GOLGA4: variants seen among roughly 807,000 people sequenced by gnomAD.
The protein encoded by GOLGA4 is golgin A4.
Under a neutral mutation model 265.9 loss-of-function variants are expected in GOLGA4, and 169 were observed. That is an observed-to-expected ratio of 0.64 (90% CI 0.56 to 0.72). The LOEUF is 0.72. GOLGA4 is among the 30% of genes least tolerant of loss of function. The probability of loss-of-function intolerance (pLI) is 0.00; values close to 1 mark genes in which losing one functional copy is unlikely to be tolerated. For synonymous variants in GOLGA4, 923 were observed against 855.8 expected (o/e 1.08, Z -1.37); for missense variants, 2,482 against 2,483.4 (o/e 1.00, Z 0.01).
chr3:37,308,242 A>T (rs1241344741), intron 10 of GOLGA4, among the ~76,000 whole-genome samples: 1 of 151,930 alleles, frequency 6.6e-6, no homozygotes, highest in Non-Finnish European at 1.5e-5. Context: ...TCAAAAAAAA[A>T]AAACGAACAA....
At chr3:37,285,835 TTTA>T (rs1239854234) in intron 3 of GOLGA4, among the ~76,000 whole-genome samples, 176 bp from the exon 4 acceptor site, 1 of 152,266 alleles carries the variant, frequency 6.6e-6, no homozygotes, top group Non-Finnish European at 1.5e-5. Flanking sequence ...AAATTTACAT[TTTA>T]TTTTTTAGAA....
intron 21 of GOLGA4, among the ~76,000 whole-genome samples, chr3:37,349,568 G>A (rs1035777307): frequency 3.3e-5 from 5 of 152,178 alleles, no homozygotes; most frequent in Non-Finnish European, 5.9e-5. Context: ...GCTGCACAGA[G>A]AATGCAGGGC....
At chr3:37,254,692 C>T (rs1030242475) in intron 2 of GOLGA4, among the ~76,000 whole-genome samples, 1 of 151,586 alleles carries the variant, frequency 6.6e-6, no homozygotes, top group African/African-American at 2.4e-5. Flanking sequence ...TTACTTGAGA[C>T]GGAGTTTCAC....
At chr3:37,300,801 A>G (rs1360176623) in intron 9 of GOLGA4, among the ~76,000 whole-genome samples, 3 of 152,196 alleles carry the variant, frequency 2.0e-5, no homozygotes, top group South Asian at 2.1e-4. Context: ...ATGACCTGCT[A>G]TCTAGTCAGT....
At chr3:37,264,970 G>T (rs988461893) in intron 2 of GOLGA4, among the ~76,000 whole-genome samples, 1 of 151,980 alleles carries the variant, frequency 6.6e-6, no homozygotes, top group Non-Finnish European at 1.5e-5. Flanking sequence ...TCTTTTGTGG[G>T]GGAGGCCCTA....
At position 37,286,045 on chromosome 3, in the gene GOLGA4, A is replaced by C. The variant is rs766853785; in HGVS notation, c.509A>C (p.Glu170Ala). ...LVTAYQMLQR[E>A]KKKLQGILSQ... Reference sequence around the variant, plus strand: ...ACAGCTTATCAGATGCTTCAGAGAGAGAAGAAAAAGCTACAAGTAAGTGAT... The same window carrying C: ...ACAGCTTATCAGATGCTTCAGAGAGCGAAGAAAAAGCTACAAGTAAGTGAT... Residue 170 changes from glutamate to alanine, a missense_variant, in exon 4 of 24, where the codon GAG becomes GCG. Glu to Ala is a moderately radical substitution (Grantham distance 107, BLOSUM62 -1). This residue lies in a region of GOLGA4 where 1,536 missense variants were observed against 1,483.7 expected (regional missense o/e 1.04). Transcript: ENST00000361924. The C allele has an allele frequency of 6.3e-7, 1 of 1,576,808 alleles. No homozygotes were observed. Among genetic ancestry groups the C allele is most frequent in the Non-Finnish European group, 8.7e-7 (1 of 1,150,784 alleles).
intron 16 of GOLGA4, among the ~76,000 whole-genome samples, chr3:37,330,685 C>G (rs1184552953): frequency 6.6e-6 from 1 of 152,130 alleles, no homozygotes; most frequent in Admixed American, 6.5e-5. Context: ...GGCATGGACT[C>G]TTTTCCAAGT....
intron 2 of GOLGA4, among the ~76,000 whole-genome samples, chr3:37,277,853 C>A (rs531185247): frequency 6.6e-6 from 1 of 152,048 alleles, no homozygotes; most frequent in East Asian, 1.9e-4. Context: ...CTGTCAGGCA[C>A]CCGTAGAAAG....
Position 37,296,085 on chromosome 3 carries a change from A to C in GOLGA4, c.682-2A>C, listed in dbSNP as rs1414154547. On this transcript the variant is annotated splice_acceptor_variant, in intron 6 of 23. Coordinates refer to ENST00000361924, the MANE Select transcript of GOLGA4 (RefSeq NM_002078.5). LOFTEE classifies it high-confidence loss of function. ...TTTTCTAATGAAGCACATTTATATT[A>C]GGTTTCTCTACTGAAACAACGATTA... 1.9e-6 allele frequency: 3 copies of C among 1,612,746 alleles called. No individual in the cohort carries two copies. Among genetic ancestry groups the C allele is most frequent in the Non-Finnish European group, 2.5e-6 (3 of 1,178,890 alleles).
Position 37,252,272 on chromosome 3 carries a change from CT to C in GOLGA4, c.162+789del, listed in dbSNP as rs145491971. Reference sequence around the variant, plus strand: ...TAGCACTGTCGTGCTCCCTTTCCCCCTGAAGGATTACCACCATCCTGAATTT... The same window carrying C: ...TAGCACTGTCGTGCTCCCTTTCCCCCGAAGGATTACCACCATCCTGAATTT... On this transcript the variant is annotated intron_variant, in intron 2 of 23. Transcript: ENST00000361924. Among the ~76,000 whole-genome samples the C allele has an allele frequency of 6.2e-3, 940 of 151,418 alleles. 42 individuals carry two copies. The East Asian group carries it at 0.12, about 19-fold the overall frequency.
rs192935891 is a variant in GOLGA4, at chr3:37,254,152, C to T, written c.162+2668C>T. Among the ~76,000 whole-genome samples the T allele has an allele frequency of 3.9e-5, 6 of 152,206 alleles. No individual in the cohort carries two copies. The East Asian group carries it at 1.2e-3, about 29-fold the overall frequency. Reference sequence around the variant, plus strand: ...GAAATGATGCCATTAATACTGATTGCAAAAACATTACAACTCAGTACTGCA... The same window carrying T: ...GAAATGATGCCATTAATACTGATTGTAAAAACATTACAACTCAGTACTGCA... On this transcript the variant is annotated intron_variant, in intron 2 of 23. Transcript: ENST00000361924.
chr3:37,320,090 A>T (rs1443780964), intron 12 of GOLGA4: 1 of 151,562 alleles, frequency 6.6e-6, no homozygotes, highest in African/African-American at 2.4e-5. Flanking sequence ...TTTTCAGTCC[A>T]TACGATGGCT....
At position 37,321,778 on chromosome 3, in the gene GOLGA4, G is replaced by C; in HGVS notation, c.1593G>C (p.Gln531His). 1 of 1,611,940 alleles carries C rather than the reference G, an allele frequency of 6.2e-7. No individual in the cohort carries two copies. Among genetic ancestry groups the C allele is most frequent in the South Asian group, 1.1e-5 (1 of 90,478 alleles). Residue 531 changes from glutamine (Q) to histidine (H), a missense_variant, in exon 13 of 24, where the codon CAG (glutamine) becomes CAC (histidine). Gln to His is a conservative substitution (Grantham distance 24). Transcript: ENST00000361924. Reference protein sequence around the residue: ...EYLKISQEKEQQESLALEELE... With the variant: ...EYLKISQEKEHQESLALEELE... ...TGAAGATCAGCCAAGAAAAAGAACA[G>C]CAAGAATCTTTGGCCCTAGAAGAGT...
chr3:37,337,788 C>A, intron 19 of GOLGA4, 54 bp downstream of exon 19: 1 of 1,121,328 alleles, frequency 8.9e-7, no homozygotes, highest in Non-Finnish European at 1.4e-6. Context: ...TTAATATGTA[C>A]TTGGATCTCA....
chr3:37,306,316 C>G (rs2096905903), intron 10 of GOLGA4, among the ~76,000 whole-genome samples: 1 of 152,124 alleles, frequency 6.6e-6, no homozygotes, highest in African/African-American at 2.4e-5. Context: ...GTGTTTCTTT[C>G]TAGTTGTTAC....
At chr3:37,328,759 T>C (rs2096980555) in intron 15 of GOLGA4, among the ~76,000 whole-genome samples, 1 of 152,134 alleles carries the variant, frequency 6.6e-6, no homozygotes, top group Non-Finnish European at 1.5e-5. Flanking sequence ...AGCTAATTAA[T>C]TACCTTGTAA....
At position 37,275,638 on chromosome 3, in the gene GOLGA4, C is replaced by T; in HGVS notation, c.163-6320C>T. ...GCTCCTGCTGTGTCTTCCGCTCCAG[C>T]TTCGCCCACTTCCCCTTGCCAGCGG... On this transcript the variant is annotated intron_variant, in intron 2 of 23. Transcript: ENST00000361924. 3 of 1,598,390 alleles carry T rather than the reference C, an allele frequency of 1.9e-6. No individual in the cohort carries two copies. In the Admixed American group the frequency reaches 5.0e-5, roughly 27 times the overall value.
chr3:37,255,227 C>T (rs2096745218), intron 2 of GOLGA4, among the ~76,000 whole-genome samples: 1 of 152,104 alleles, frequency 6.6e-6, no homozygotes. Context: ...GTGGTGCGAT[C>T]TCAGCTCACT....
intron 21 of GOLGA4, among the ~76,000 whole-genome samples, chr3:37,350,668 G>A (rs568587523): frequency 8.0e-4 from 121 of 152,038 alleles, no homozygotes; most frequent in Non-Finnish European, 1.5e-3. Flanking sequence ...GAGGTATTAC[G>A]GGTTCAGTTC....
Sources: gnomAD v4.1 joint callset for allele counts (sites outside exome capture counted in the v4.1 genomes callset) on GRCh38, gnomAD v4.1.1 for gene constraint, gnomAD v4.1.1 regional missense constraint, MANE v1.5 for transcripts, NCBI Gene and HGNC (gene_info 2026-07-23, HGNC 2026-07-21) for gene names.